The following NEBL variants were observed in gnomAD, a reference collection of about 807,000 sequenced individuals.
NEBL encodes LIM and SH3 protein 2.
In NEBL, 122 loss-of-function variants were observed where a neutral mutation model predicts 140.2. That is an observed-to-expected ratio of 0.87 (90% CI 0.75 to 1.01). The LOEUF (loss-of-function observed/expected upper bound fraction) is 1.01. NEBL is among the 50% of genes least tolerant of loss of function. NEBL has a pLI of 0.00. For missense variants in NEBL, 1,365 were observed against 1,231.3 expected (o/e 1.11, Z -1.62); for synonymous variants, 436 against 398.9 (o/e 1.09, Z -1.11).
rs118039142 is a variant in NEBL, at chr10:21,121,700, A to G, written c.164+50683T>C. Among the ~76,000 whole-genome samples, 7 of 152,306 alleles carry G rather than the reference A, an allele frequency of 4.6e-5. No individual in the cohort carries two copies. In the East Asian group the frequency reaches 1.4e-3, roughly 29 times the overall value. On this transcript the variant is annotated intron_variant, in intron 2 of 6. Transcript: ENST00000417816. The stretch of plus-strand genomic sequence containing the variant: ...CTTCAGTATCTGAAATAGCGATGCC[A>G]TCTCCGTTTAAATGTCACCGGGGAA...
chr10:20,827,535 A>G (rs1839992135), intron 17 of NEBL, among the ~76,000 whole-genome samples: 1 of 152,240 alleles, frequency 6.6e-6, no homozygotes, highest in South Asian at 2.1e-4. Context: ...AGCTAATTCT[A>G]TGTTAAAATA....
chr10:20,852,441 C>T, intron 10 of NEBL, 104 bp downstream of exon 10: 1 of 775,408 alleles, frequency 1.3e-6, no homozygotes, highest in Non-Finnish European at 2.3e-6. Context: ...TTCTTTTCTG[C>T]AACTGTACTT....
At chr10:21,248,362 A>T (rs1842545156) in intron 2 of NEBL, among the ~76,000 whole-genome samples, 1 of 152,166 alleles carries the variant, frequency 6.6e-6, no homozygotes, top group South Asian at 2.1e-4. Context: ...ACTAGAAAAA[A>T]AAAAAATTAC....
Position 21,201,673 on chromosome 10 carries a change from T to C in NEBL, n.349-29196A>G, listed in dbSNP as rs1342567678. ...AAATTAAAATAGTATTCCTATTAAT[T>C]AACTGACACACCTCTATAATACAAT... On this transcript the variant is annotated intron_variant and non_coding_transcript_variant, in intron 3 of 8. Transcript: ENST00000675702. 2.6e-5 allele frequency among the ~76,000 whole-genome samples: 4 copies of C among 152,212 alleles called. No individual in the cohort carries two copies. In the East Asian group the frequency reaches 7.7e-4, roughly 29 times the overall value.
intron 5 of NEBL, among the ~76,000 whole-genome samples, chr10:20,873,070 C>T (rs1238812364): frequency 6.6e-6 from 1 of 152,138 alleles, no homozygotes; most frequent in East Asian, 1.9e-4. Flanking sequence ...GGACCCGTTT[C>T]CTGTAACACT....
At chr10:21,108,801 C>T (rs1485023658) in intron 2 of NEBL, among the ~76,000 whole-genome samples, 1 of 152,058 alleles carries the variant, frequency 6.6e-6, no homozygotes, top group Non-Finnish European at 1.5e-5. Context: ...GAGTCTAAGT[C>T]TCTTTGTAGG....
At chr10:21,269,683 C>G (rs1842838689) in intron 1 of NEBL, among the ~76,000 whole-genome samples, 1 of 152,194 alleles carries the variant, frequency 6.6e-6, no homozygotes, top group East Asian at 1.9e-4. Flanking sequence ...TCAGGCTGTC[C>G]ATACTGGCTT....
intron 2 of NEBL, among the ~76,000 whole-genome samples, chr10:21,101,364 C>T (rs984995801): frequency 6.6e-6 from 1 of 152,188 alleles, no homozygotes; most frequent in African/African-American, 2.4e-5. Context: ...GGTCAAGTAA[C>T]AGCTCTGGCT....
intron 26 of NEBL, among the ~76,000 whole-genome samples, chr10:20,799,755 A>G (rs988619333): frequency 2.0e-5 from 3 of 152,220 alleles, no homozygotes; most frequent in African/African-American, 7.2e-5. Context: ...TAGAAACACC[A>G]GCAAGTTTAT....
rs180718773 is a variant in NEBL at position 20,989,983 on chromosome 10, G to A, written c.250-28204C>T. Among the ~76,000 whole-genome samples, 1,021 of 152,152 alleles carry A rather than the reference G, an allele frequency of 6.7e-3. 8 individuals carry two copies. Among genetic ancestry groups the A allele is most frequent in the Admixed American group, 6.5e-3 (99 of 15,272 alleles). ...TGTGATGTTAACATTGATAAAAATCGGAAATATTTTCCTGTCACATTAGAG... is the reference window on the plus strand; with the variant it reads ...TGTGATGTTAACATTGATAAAAATCAGAAATATTTTCCTGTCACATTAGAG... On this transcript the variant is annotated intron_variant, in intron 3 of 6. Coordinates refer to the NEBL transcript ENST00000417816.
chr10:20,805,142 T>C (rs1206231974), intron 26 of NEBL, among the ~76,000 whole-genome samples: 1 of 152,150 alleles, frequency 6.6e-6, no homozygotes, highest in Non-Finnish European at 1.5e-5. Context: ...CAGGGATGAC[T>C]CCAAAGGGTT....
chr10:21,036,704 C>A (rs958717699), intron 2 of NEBL, among the ~76,000 whole-genome samples: 6 of 151,964 alleles, frequency 3.9e-5, no homozygotes, highest in Non-Finnish European at 8.8e-5. Flanking sequence ...AAGCAAAGCA[C>A]GTTCCTCCAG....
intron 3 of NEBL, among the ~76,000 whole-genome samples, chr10:20,981,529 G>GT (rs1837041596): frequency 6.6e-6 from 1 of 152,148 alleles, no homozygotes; most frequent in Non-Finnish European, 1.5e-5. Flanking sequence ...CCTTCTTTGG[G>GT]TAACAGCACC....
intron 2 of NEBL, among the ~76,000 whole-genome samples, chr10:21,051,124 G>C (rs1834760187): frequency 6.6e-6 from 1 of 152,106 alleles, no homozygotes; most frequent in Non-Finnish European, 1.5e-5. Flanking sequence ...CTGATGTCTA[G>C]AGATAGGAAA....
chr10:21,218,172 G>A (rs117910154), intron 3 of NEBL: 2,331 of 152,650 alleles, frequency 0.015, 20 homozygotes, highest in Non-Finnish European at 0.022. Flanking sequence ...ATCTGTAGGC[G>A]CAAGAGCCTT....
chr10:21,076,978 A>G (rs1836126284), intron 2 of NEBL, among the ~76,000 whole-genome samples: 1 of 152,210 alleles, frequency 6.6e-6, no homozygotes, highest in Admixed American at 6.5e-5. Flanking sequence ...CTAGAAACAT[A>G]CATTTGCACA....
intron 1 of NEBL, among the ~76,000 whole-genome samples, chr10:21,262,737 G>C (rs2132282031): frequency 6.6e-6 from 1 of 152,256 alleles, no homozygotes; most frequent in East Asian, 1.9e-4. Context: ...GCTGGGGCTG[G>C]GGATGGAAGG....
At chr10:20,789,992 A>G (rs1021945692) in intron 26 of NEBL, among the ~76,000 whole-genome samples, 1 of 151,350 alleles carries the variant, frequency 6.6e-6, no homozygotes, top group African/African-American at 2.4e-5. Flanking sequence ...TACAAGTTAT[A>G]TTTATGCCTA....
chr10:20,817,549 G>A (rs187423602), intron 21 of NEBL, 51 bp downstream of exon 21: 146 of 1,360,308 alleles, frequency 1.1e-4, no homozygotes, highest in Middle Eastern at 3.6e-4. Flanking sequence ...TCATTCACAC[G>A]TGGACAATGC....
Sources: allele counts gnomAD v4.1 joint callset (sites outside exome capture counted in the v4.1 genomes callset), GRCh38; gene constraint gnomAD v4.1.1; transcripts MANE v1.5; gene names NCBI Gene and HGNC (gene_info 2026-07-23, HGNC 2026-07-21).